Variants in UNC13C observed in about 807,000 individuals in gnomAD.
UNC13C encodes protein unc-13 homolog C.
Under a neutral mutation model 245.4 loss-of-function variants are expected in UNC13C, and 174 were observed. The observed-to-expected ratio is 0.71, with a 90% CI of 0.63 to 0.80. The LOEUF (loss-of-function observed/expected upper bound fraction) is 0.80. UNC13C is among the 30% of genes least tolerant of loss of function. UNC13C has a pLI of 0.00. For synonymous variants in UNC13C, 992 were observed against 895.1 expected, an observed-to-expected ratio of 1.11 and a Z score of -1.93; for missense variants, 2,829 against 2,602.9, an observed-to-expected ratio of 1.09 and a Z score of -1.89.
intron 4 of UNC13C, among the ~76,000 whole-genome samples, chr15:54,229,245 A>G (rs76176320): frequency 0.066 from 10,034 of 152,238 alleles, 1,177 homozygotes; most frequent in African/African-American, 0.23. Flanking sequence ...GAGGGGTGGC[A>G]TCAGTAATTA....
At chr15:54,138,962 T>TTTTTTTTTTTTTG (rs2031876486) in intron 2 of UNC13C, among the ~76,000 whole-genome samples, 1 of 103,062 alleles carries the variant, frequency 9.7e-6, no homozygotes, top group African/African-American at 4.2e-5. Flanking sequence ...AATTTTTTTT[T>TTTTTTTTTTTTTG]TTTTTTTTTT....
At chr15:53,863,532 C>T in the UNC13C span, among the ~76,000 whole-genome samples, 2 of 152,122 alleles carry the variant, frequency 1.3e-5, no homozygotes, top group Non-Finnish European at 2.9e-5. Flanking sequence ...TACAAGAATG[C>T]TTATCACAAT....
At chr15:53,856,362 T>C in the UNC13C span, among the ~76,000 whole-genome samples, 1 of 137,822 alleles carries the variant, frequency 7.3e-6, no homozygotes, top group African/African-American at 2.4e-5. Context: ...TGTGTGCTCT[T>C]GGTTCTCTAG....
At chr15:54,189,784 G>A (rs546882531) in intron 4 of UNC13C, among the ~76,000 whole-genome samples, 30 of 152,104 alleles carry the variant, frequency 2.0e-4, no homozygotes, top group Admixed American at 3.3e-4. Flanking sequence ...TTCCATAAAG[G>A]AGAGAAATAC....
chr15:54,330,046 CT>C (rs972027445), intron 14 of UNC13C, among the ~76,000 whole-genome samples: 23 of 148,858 alleles, frequency 1.5e-4, no homozygotes, highest in South Asian at 4.3e-4. Flanking sequence ...GTAGGCAATC[CT>C]TTTTTTTTTC....
chr15:54,160,069 C>T (rs1375833273), intron 4 of UNC13C, among the ~76,000 whole-genome samples: 1 of 151,822 alleles, frequency 6.6e-6, no homozygotes, highest in Non-Finnish European at 1.5e-5. Flanking sequence ...ATATATGATA[C>T]ATCACGGAAA....
chr15:54,416,276 G>A (rs1490589441), intron 19 of UNC13C, among the ~76,000 whole-genome samples: 1 of 152,096 alleles, frequency 6.6e-6, no homozygotes, highest in African/African-American at 2.4e-5. Flanking sequence ...GTTTTATAGC[G>A]TTCGTGTTTA....
At chr15:54,364,946 A>G (rs767506818) in intron 17 of UNC13C, among the ~76,000 whole-genome samples, 2 of 152,210 alleles carry the variant, frequency 1.3e-5, no homozygotes, top group Non-Finnish European at 2.9e-5. Flanking sequence ...GCTTTTCCAT[A>G]TGTGGATGCT....
intron 24 of UNC13C, 69 bp from the exon 25 acceptor site, chr15:54,525,480 G>T: frequency 8.9e-7 from 1 of 1,119,200 alleles, no homozygotes; most frequent in South Asian, 1.5e-5. Context: ...TAATCAAAAT[G>T]CTTGTAAGCA....
intron 10 of UNC13C, 116 bp from the exon 11 acceptor site, chr15:54,293,779 C>A: frequency 1.3e-6 from 1 of 783,000 alleles, no homozygotes; most frequent in Admixed American, 4.2e-5. Context: ...TGGGTTATCT[C>A]ATTTATTATG....
chr15:54,141,844 C>T (rs1463915181), intron 2 of UNC13C, among the ~76,000 whole-genome samples: 1 of 151,996 alleles, frequency 6.6e-6, no homozygotes, highest in East Asian at 1.9e-4. Flanking sequence ...GAAAAATCTG[C>T]ACCAAAATAT....
At chr15:54,099,415 G>T (rs1470203197) in intron 2 of UNC13C, among the ~76,000 whole-genome samples, 1 of 152,088 alleles carries the variant, frequency 6.6e-6, no homozygotes, top group Non-Finnish European at 1.5e-5. Context: ...ACTATAAATA[G>T]CTGGCCATGC....
intron 17 of UNC13C, among the ~76,000 whole-genome samples, chr15:54,382,544 T>A (rs570515986): frequency 1.3e-5 from 2 of 151,738 alleles, no homozygotes; most frequent in African/African-American, 4.8e-5. Context: ...GCCGTTGCCC[T>A]CCAGCTTGGG....
chr15:54,535,516 G>C (rs1346551462), intron 26 of UNC13C, among the ~76,000 whole-genome samples: 1 of 151,832 alleles, frequency 6.6e-6, no homozygotes. Flanking sequence ...ACATCTACAG[G>C]ATACTCAACC....
At chr15:54,375,055 C>T (rs977305215) in intron 17 of UNC13C, among the ~76,000 whole-genome samples, 1 of 152,152 alleles carries the variant, frequency 6.6e-6, no homozygotes, top group Non-Finnish European at 1.5e-5. Context: ...CCATGTTTCT[C>T]TAAACAGTCC....
chr15:54,131,603 A>C (rs190812142), intron 2 of UNC13C, among the ~76,000 whole-genome samples: 1 of 152,228 alleles, frequency 6.6e-6, no homozygotes, highest in East Asian at 1.9e-4. Flanking sequence ...TGTATACACT[A>C]TCCATAGTTA....
chr15:54,082,319 C>G (rs929234698), intron 2 of UNC13C, among the ~76,000 whole-genome samples: 1 of 152,088 alleles, frequency 6.6e-6, no homozygotes, highest in Non-Finnish European at 1.5e-5. Flanking sequence ...TGAGCTCTAG[C>G]AATATTAGGG....
At chr15:54,445,796 A>C (rs1434290303) in intron 19 of UNC13C, among the ~76,000 whole-genome samples, 1 of 152,126 alleles carries the variant, frequency 6.6e-6, no homozygotes, top group Non-Finnish European at 1.5e-5. Context: ...CTTTAGTTTA[A>C]TTGGATCCCA....
chr15:54,090,771 T>C (rs998059795), intron 2 of UNC13C, among the ~76,000 whole-genome samples: 3 of 152,186 alleles, frequency 2.0e-5, no homozygotes, highest in African/African-American at 7.2e-5. Context: ...ACTCTCAGCC[T>C]GAAAGCTCCC....
Sources: gnomAD v4.1 joint callset for allele counts (sites outside exome capture counted in the v4.1 genomes callset) on GRCh38, gnomAD v4.1.1 for gene constraint, MANE v1.5 for transcripts, NCBI Gene and HGNC (gene_info 2026-07-23, HGNC 2026-07-21) for gene names.